NELL2: variants seen among roughly 807,000 people sequenced by gnomAD.
The protein encoded by NELL2 is protein kinase C-binding protein NELL2.
In NELL2, 41 loss-of-function variants were observed where a neutral mutation model predicts 109.6. The observed-to-expected ratio is 0.37, with a 90% CI of 0.29 to 0.49. The LOEUF (loss-of-function observed/expected upper bound fraction) is 0.49, where lower values mean the gene tolerates loss of function less well. NELL2 is among the 20% of genes least tolerant of loss of function. NELL2 has a pLI of 0.98. For synonymous variants in NELL2, 355 were observed against 344.7 expected (o/e 1.03, Z -0.33); for missense variants, 900 against 1,008.3 (o/e 0.89, Z 1.45).
At chr12:44,542,780 A>C (rs1357226528) in intron 15 of NELL2, among the ~76,000 whole-genome samples, 1 of 152,158 alleles carries the variant, frequency 6.6e-6, no homozygotes, top group Non-Finnish European at 1.5e-5. Context: ...GGGAATAAGG[A>C]GTTTTATATA....
Position 44,516,845 on chromosome 12 carries a change from T to C in NELL2, c.2400+3160A>G, listed in dbSNP as rs1436555990. Among the ~76,000 whole-genome samples the C allele has an allele frequency of 2.0e-5, 3 of 151,462 alleles. No individual in the cohort carries two copies. In the East Asian group the frequency reaches 5.8e-4, roughly 29 times the overall value. ...CTTTTCTTATTAATGTTTATGTTTTTAATCTAACAAAGAAACCAAATCTGC... is the reference window on the plus strand; with the variant it reads ...CTTTTCTTATTAATGTTTATGTTTTCAATCTAACAAAGAAACCAAATCTGC... On this transcript the variant is annotated intron_variant, in intron 19 of 19. Transcript: ENST00000429094.
Position 44,751,380 on chromosome 12 carries a change from A to G in NELL2, c.994+23367T>C, listed in dbSNP as rs368484807. Among the ~76,000 whole-genome samples the G allele has an allele frequency of 1.1e-3, 172 of 152,232 alleles. 1 individual carries two copies. Among genetic ancestry groups the G allele is most frequent in the African/African-American group, 3.8e-3 (157 of 41,544 alleles). ...GTGGCTCAGGTGCTGGAAGTATCTG[A>G]GCCTTTGATACATATTTCACATATA... On this transcript the variant is annotated intron_variant, in intron 9 of 19. Transcript: ENST00000429094.
Position 44,909,660 on chromosome 12 carries a change from AGGT to A in NELL2, c.38+4136_38+4138del, listed in dbSNP as rs551914959. 4.6e-3 allele frequency among the ~76,000 whole-genome samples: 696 copies of A among 151,978 alleles called. 4 individuals are homozygous for A. Among genetic ancestry groups the A allele is most frequent in the African/African-American group, 0.016 (655 of 41,486 alleles). On this transcript the variant is annotated intron_variant, in intron 1 of 20. Transcript: ENST00000333837. ...TCCTAAGAAAAAAGAACAATGTTAG[AGGT>A]ATTATATTACCCAACTTCAAACCAT... is the stretch of plus-strand genomic sequence containing the variant.
intron 1 of NELL2, among the ~76,000 whole-genome samples, chr12:44,896,820 G>C (rs1945598778): frequency 6.6e-6 from 1 of 152,160 alleles, no homozygotes; most frequent in African/African-American, 2.4e-5. Context: ...CCTGTCTAAA[G>C]AATGAAAGTC....
intron 13 of NELL2, among the ~76,000 whole-genome samples, chr12:44,629,652 A>G (rs1487453827): frequency 1.3e-5 from 2 of 152,232 alleles, no homozygotes; most frequent in Admixed American, 6.5e-5. Flanking sequence ...CTGGGTTAAA[A>G]GGTTATTTTC....
At chr12:44,593,949 T>A (rs28722802) in intron 15 of NELL2, among the ~76,000 whole-genome samples, 1 of 152,088 alleles carries the variant, frequency 6.6e-6, no homozygotes, top group Non-Finnish European at 1.5e-5. Context: ...ATACTGTGAA[T>A]CCATTAAAAA....
At chr12:44,841,601 C>T (rs1011214992) in intron 2 of NELL2, among the ~76,000 whole-genome samples, 5 of 152,040 alleles carry the variant, frequency 3.3e-5, no homozygotes, top group South Asian at 2.1e-4. Context: ...AATGTGTAGA[C>T]GAAGAGCTCT....
At chr12:44,796,848 C>T (rs950754805) in intron 3 of NELL2, among the ~76,000 whole-genome samples, 1 of 151,746 alleles carries the variant, frequency 6.6e-6, no homozygotes, top group African/African-American at 2.4e-5. Context: ...ATCTTATTAC[C>T]CTACATAACT....
At chr12:44,667,470 G>A (rs1947963073) in intron 12 of NELL2, among the ~76,000 whole-genome samples, 3 of 152,178 alleles carry the variant, frequency 2.0e-5, no homozygotes, top group African/African-American at 7.2e-5. Context: ...TGGAATAAAA[G>A]TTCATTTACA....
At position 44,508,969 on chromosome 12, in the gene NELL2, A is replaced by G. The variant is rs957895016; in HGVS notation, c.2416T>C (p.Cys806Arg). ...LCQCKNGHIC[C>R]SVDPQCLQEL is the part of the protein sequence containing the mutation. ...TGAAGGCACTGTGGATCCACTGAGCAACAGATGTGGCCATTCTAGATTTAA... is the reference window on the plus strand; with the variant it reads ...TGAAGGCACTGTGGATCCACTGAGCGACAGATGTGGCCATTCTAGATTTAA... Residue 806 changes from cysteine to arginine, a missense_variant, in exon 20 of 20, where the codon TGC (cysteine) becomes CGC (arginine). Physicochemically the swap from Cys to Arg is radical, Grantham distance 180. Around this residue, in one of 4 missense-constraint regions of NELL2, gnomAD observed 333 missense variants for 432.3 expected, o/e 0.77. Coordinates refer to ENST00000429094, the MANE Select transcript of NELL2 (RefSeq NM_001145108.2). 1 of 1,612,776 alleles carries G rather than the reference A, an allele frequency of 6.2e-7. No individual in the cohort carries two copies. Among genetic ancestry groups the G allele is most frequent in the African/African-American group, 1.3e-5 (1 of 74,856 alleles).
chr12:44,747,432 TA>T (rs1453585071), intron 9 of NELL2, among the ~76,000 whole-genome samples: 1 of 151,076 alleles, frequency 6.6e-6, no homozygotes, highest in African/African-American at 2.5e-5. Context: ...ACATGTACCC[TA>T]AAACTTCAAG....
chr12:44,707,346 T>C (rs961503948), intron 11 of NELL2, among the ~76,000 whole-genome samples: 1 of 152,242 alleles, frequency 6.6e-6, no homozygotes, highest in Middle Eastern at 3.4e-3. Context: ...AATGGCATAA[T>C]GATATGAGCG....
chr12:44,749,116 G>C (rs1417807618), intron 9 of NELL2, among the ~76,000 whole-genome samples: 2 of 152,100 alleles, frequency 1.3e-5, no homozygotes, highest in East Asian at 1.9e-4. Context: ...ACAAGGGTTT[G>C]AATCAAAGAT....
chr12:44,509,480 G>T (rs1159827504), intron 19 of NELL2, among the ~76,000 whole-genome samples: 2 of 152,140 alleles, frequency 1.3e-5, no homozygotes, highest in African/African-American at 4.8e-5. Flanking sequence ...GTATTAGGAG[G>T]TAAAGCCTTT....
At chr12:44,586,449 A>C (rs1944509091) in intron 15 of NELL2, among the ~76,000 whole-genome samples, 1 of 151,870 alleles carries the variant, frequency 6.6e-6, no homozygotes, top group Admixed American at 6.6e-5. Context: ...TATTACTATA[A>C]CTTTTTTAAC....
At chr12:44,682,071 C>T (rs1649416130) in intron 12 of NELL2, among the ~76,000 whole-genome samples, 1 of 150,794 alleles carries the variant, frequency 6.6e-6, no homozygotes, top group African/African-American at 2.5e-5. Context: ...ACATCCTCTC[C>T]AGCACCTGTT....
intron 2 of NELL2, among the ~76,000 whole-genome samples, chr12:44,852,258 G>GA (rs1252199918): frequency 4.6e-5 from 7 of 152,026 alleles, no homozygotes; most frequent in East Asian, 1.9e-4. Flanking sequence ...TACACTGCTG[G>GA]AAAAAAACGT....
intron 2 of NELL2, among the ~76,000 whole-genome samples, chr12:44,827,771 T>C (rs1176362127): frequency 2.6e-5 from 4 of 152,192 alleles, no homozygotes; most frequent in Non-Finnish European, 5.9e-5. Context: ...CTGCAATAAA[T>C]ATGGGAGTGC....
intron 15 of NELL2, among the ~76,000 whole-genome samples, chr12:44,577,416 G>T (rs1267411317): frequency 2.4e-5 from 3 of 123,160 alleles, no homozygotes; most frequent in Non-Finnish European, 5.1e-5. Flanking sequence ...TTGTAAATTT[G>T]TTTGAGTTCA....
Sources: gnomAD v4.1 joint callset for allele counts (sites outside exome capture counted in the v4.1 genomes callset) on GRCh38, gnomAD v4.1.1 for gene constraint, gnomAD v4.1.1 regional missense constraint, MANE v1.5 for transcripts, NCBI Gene and HGNC (gene_info 2026-07-23, HGNC 2026-07-21) for gene names.